MAMLD1: variants seen among roughly 807,000 people sequenced by gnomAD.
MAMLD1 encodes mastermind-like domain-containing protein 1.
Under a neutral mutation model 45.0 loss-of-function variants are expected in MAMLD1, and 14 were observed. That is an observed-to-expected ratio of 0.31 (90% CI 0.21 to 0.49). MAMLD1 has a LOEUF of 0.49. Ranked by LOEUF, MAMLD1 falls within the 20% of genes least tolerant of loss-of-function variation. The pLI is 0.99. For missense variants in MAMLD1, 543 were observed against 603.6 expected, an observed-to-expected ratio of 0.90 and a Z score of 1.05; for synonymous variants, 254 against 247.8, an observed-to-expected ratio of 1.02 and a Z score of -0.24.
chrX:150,402,995 A>G (rs1202731718), intron 1 of MAMLD1, among the ~76,000 whole-genome samples: 19 of 110,394 alleles, frequency 1.7e-4, no homozygotes, highest in East Asian at 2.8e-4. Context: ...CTGGTGCAGC[A>G]CACCAGCACG....
chrX:150,489,680 G>T (rs2037117505), intron 5 of MAMLD1, among the ~76,000 whole-genome samples: 1 of 109,239 alleles, frequency 9.2e-6, no homozygotes, highest in African/African-American at 3.3e-5. Flanking sequence ...AGAGGGGTGA[G>T]GGAAAAAGGG....
At chrX:150,406,960 C>T (rs1223461880) in intron 1 of MAMLD1, among the ~76,000 whole-genome samples, 1 of 110,834 alleles carries the variant, frequency 9.0e-6, no homozygotes, top group Non-Finnish European at 1.9e-5. Context: ...TGTCCTCTGT[C>T]CATATGGGCC....
intron 6 of MAMLD1, among the ~76,000 whole-genome samples, chrX:150,505,861 C>T (rs1467010754): frequency 1.8e-5 from 2 of 112,550 alleles, no homozygotes; most frequent in Non-Finnish European, 3.8e-5. Context: ...AGCATCCATC[C>T]GTCCTCCAAC....
At chrX:150,462,894 G>A in intron 3 of MAMLD1, 48 bp downstream of exon 3, 1 of 1,010,061 alleles carries the variant, frequency 9.9e-7, no homozygotes, top group Non-Finnish European at 1.4e-6. Flanking sequence ...TTACAGTGGG[G>A]AAACTGAGGC....
intron 1 of MAMLD1, among the ~76,000 whole-genome samples, chrX:150,402,311 A>T (rs1416017075): frequency 9.2e-6 from 1 of 108,417 alleles, no homozygotes; most frequent in African/African-American, 3.5e-5. Context: ...GCCAAAAAAC[A>T]CATGAAAAAA....
intron 5 of MAMLD1, among the ~76,000 whole-genome samples, chrX:150,495,376 T>G: frequency 8.9e-6 from 1 of 112,375 alleles, no homozygotes; most frequent in African/African-American, 3.2e-5. Flanking sequence ...TTCCCGGGAA[T>G]GTGTAGAGCC....
chrX:150,441,311 T>A (rs1484665123), intron 1 of MAMLD1, among the ~76,000 whole-genome samples: 1 of 108,274 alleles, frequency 9.2e-6, no homozygotes, highest in Non-Finnish European at 1.9e-5. Flanking sequence ...ATTTTTATTA[T>A]TATTTTCTTC....
In MAMLD1 at chrX:150,470,051, G is replaced by C; in HGVS notation, c.478G>C (p.Val160Leu). 2 of 1,211,852 alleles carry C rather than the reference G, an allele frequency of 1.7e-6. No individual in the cohort carries two copies. The highest frequency in any genetic ancestry group is 1.8e-5 in the South Asian group (1 of 56,995). The stretch of plus-strand genomic sequence containing the variant: ...AGAAGTGGGACTGAAAGGGCCCACT[G>C]TTCCTTACTATGAGAAAATCAACAG... ...TTEVGLKGPT[V>L]PYYEKINSVP... Residue 160 changes from valine (V) to leucine (L), a missense_variant, in exon 4 of 8, where the codon GTT becomes CTT. Val to Leu is a conservative substitution (Grantham distance 32). Transcript: ENST00000370401.
intron 3 of MAMLD1, among the ~76,000 whole-genome samples, chrX:150,469,212 A>G (rs1430223944): frequency 1.8e-5 from 2 of 112,363 alleles, no homozygotes. Flanking sequence ...TCAATTCTAT[A>G]CTATGGTATT....
At chrX:150,458,872 G>A (rs2035952248) in intron 2 of MAMLD1, among the ~76,000 whole-genome samples, 1 of 111,455 alleles carries the variant, frequency 9.0e-6, no homozygotes, top group Non-Finnish European at 1.9e-5. Flanking sequence ...TGTGAAATGG[G>A]GAGATGTCAG....
chrX:150,491,628 T>A (rs781805729), intron 5 of MAMLD1, among the ~76,000 whole-genome samples: 2 of 111,756 alleles, frequency 1.8e-5, no homozygotes, highest in Non-Finnish European at 3.8e-5. Context: ...AGAAGCTGAA[T>A]GGCTGGGAGG....
In MAMLD1 at chrX:150,506,452, G is replaced by A. The variant is rs782537340; in HGVS notation, c.2284+2935G>A. Among the ~76,000 whole-genome samples the A allele has an allele frequency of 2.7e-5, 3 of 109,104 alleles. No individual in the cohort carries two copies. The South Asian group carries it at 1.2e-3, about 44-fold the overall frequency. The allele number at this position is 109,104 out of a possible 115,157, so 94.7% of individuals were successfully genotyped here. ...ACATTCTTTATAAAACAAGGCTTTGGATCCATTCACTGCCATCCCCCAGAA... is the reference window on the plus strand; with the variant it reads ...ACATTCTTTATAAAACAAGGCTTTGAATCCATTCACTGCCATCCCCCAGAA... On this transcript the variant is annotated intron_variant, in intron 6 of 7. Coordinates refer to ENST00000370401, the MANE Select transcript of MAMLD1 (RefSeq NM_005491.5).
At chrX:150,399,441 T>C (rs1254230792) in intron 1 of MAMLD1, among the ~76,000 whole-genome samples, 1 of 112,042 alleles carries the variant, frequency 8.9e-6, no homozygotes, top group African/African-American at 3.2e-5. Context: ...ATTGAAATCT[T>C]AACCCTTAGA....
intron 5 of MAMLD1, among the ~76,000 whole-genome samples, chrX:150,496,960 G>A (rs1172964723): frequency 8.9e-6 from 1 of 112,624 alleles, no homozygotes; most frequent in Non-Finnish European, 1.9e-5. Context: ...TGTCAAAGTA[G>A]CAATTTATCA....
chrX:150,435,208 T>G (rs1237094436), intron 1 of MAMLD1, among the ~76,000 whole-genome samples: 6 of 111,900 alleles, frequency 5.4e-5, no homozygotes, highest in African/African-American at 1.6e-4. Flanking sequence ...AAGTCTGTTT[T>G]GTCTGAAATA....
At chrX:150,382,096 T>A (rs1176897283) in intron 1 of MAMLD1, among the ~76,000 whole-genome samples, 1 of 111,615 alleles carries the variant, frequency 9.0e-6, no homozygotes, top group Admixed American at 9.6e-5. Context: ...TTTTCTCTAA[T>A]ATTTTTTAAG....
chrX:150,484,708 G>A (rs1486515398), intron 5 of MAMLD1, among the ~76,000 whole-genome samples: 1 of 112,315 alleles, frequency 8.9e-6, no homozygotes, highest in Admixed American at 9.5e-5. Flanking sequence ...GAATGACAAC[G>A]TGGTCTCAGG....
chrX:150,460,702 C>G (rs1484111656), intron 2 of MAMLD1, among the ~76,000 whole-genome samples: 2 of 112,022 alleles, frequency 1.8e-5, no homozygotes, highest in African/African-American at 6.5e-5. Flanking sequence ...GTGGCTACCC[C>G]ATATAGTACG....
chrX:150,440,930 A>T (rs1395307912), intron 1 of MAMLD1, among the ~76,000 whole-genome samples: 2 of 103,244 alleles, frequency 1.9e-5, no homozygotes, highest in South Asian at 7.4e-4. Context: ...ATTAAATATA[A>T]TATTATTATT....
Sources: allele counts gnomAD v4.1 joint callset (sites outside exome capture counted in the v4.1 genomes callset), GRCh38; gene constraint gnomAD v4.1.1; transcripts MANE v1.5; gene names NCBI Gene and HGNC (gene_info 2026-07-23, HGNC 2026-07-21).